The following FOLH1 variants were observed in gnomAD, a reference collection of about 807,000 sequenced individuals.
FOLH1 encodes the protein folate hydrolase 1, also known as glutamate carboxypeptidase 2.
In FOLH1, 54 loss-of-function variants were observed where a neutral mutation model predicts 93.9. The observed-to-expected ratio is 0.57, with a 90% CI of 0.46 to 0.72. The LOEUF (loss-of-function observed/expected upper bound fraction) is 0.72. Ranked by LOEUF, FOLH1 falls within the 30% of genes least tolerant of loss-of-function variation. FOLH1 has a pLI of 0.00. For synonymous variants in FOLH1, 249 were observed against 303.6 expected (o/e 0.82, Z 1.87); for missense variants, 571 against 892.5 (o/e 0.64, Z 4.59).
intron 5 of FOLH1, 43 bp from the exon 6 acceptor site, chr11:49,185,898 G>A (rs767725366): frequency 6.7e-7 from 1 of 1,500,348 alleles, no homozygotes. Flanking sequence ...TAAATTGGTT[G>A]TTCCAGATTC....
At chr11:49,188,335 T>C (rs1485352697) in intron 4 of FOLH1, among the ~76,000 whole-genome samples, 2 of 151,616 alleles carry the variant, frequency 1.3e-5, no homozygotes, top group African/African-American at 4.8e-5. Flanking sequence ...GCCAACATAG[T>C]GAAAACCCAT....
At chr11:49,199,721 G>T (rs1863064166) in intron 3 of FOLH1, among the ~76,000 whole-genome samples, 1 of 152,026 alleles carries the variant, frequency 6.6e-6, no homozygotes, top group Non-Finnish European at 1.5e-5. Context: ...GACTAGCCTG[G>T]CCAACATGAT....
At chr11:49,181,912 A>G (rs1396087062) in intron 7 of FOLH1, among the ~76,000 whole-genome samples, 1 of 152,190 alleles carries the variant, frequency 6.6e-6, no homozygotes, top group Non-Finnish European at 1.5e-5. Context: ...GTGCTTCCTC[A>G]TAGATACTGG....
chr11:49,165,860 C>G (rs1194244750), intron 12 of FOLH1, among the ~76,000 whole-genome samples: 1 of 152,164 alleles, frequency 6.6e-6, no homozygotes, highest in Non-Finnish European at 1.5e-5. Flanking sequence ...TATGTACAAA[C>G]AGCCAATGTA....
intron 7 of FOLH1, 133 bp from the exon 8 acceptor site, chr11:49,176,090 CG>C: frequency 2.5e-6 from 2 of 810,518 alleles, no homozygotes; most frequent in South Asian, 3.3e-5. Context: ...GAATATAATA[CG>C]TCATTTAAAC....
Position 49,148,734 on chromosome 11 carries a change from G to A in FOLH1, c.1971-3C>T, listed in dbSNP as rs1374488421. The A allele has an allele frequency of 1.9e-6, 3 of 1,560,052 alleles. No individual in the cohort carries two copies. The highest frequency in any genetic ancestry group is 4.6e-5 in the East Asian group (2 of 43,564). ...TCATCATTCTTAATACTATTGGGCT[G>A]AGAAAGAAAATGAATATAATTATAA... On this transcript the variant is annotated splice_polypyrimidine_tract_variant and splice_region_variant and intron_variant, in intron 17 of 18. Coordinates refer to ENST00000256999, the MANE Select transcript of FOLH1 (RefSeq NM_004476.3).
chr11:49,175,268 TG>T (rs1590560196), intron 8 of FOLH1, among the ~76,000 whole-genome samples: 4 of 151,946 alleles, frequency 2.6e-5, no homozygotes, highest in African/African-American at 9.7e-5. Flanking sequence ...GGGTGGTAAA[TG>T]GTTTTCAAGA....
intron 4 of FOLH1, among the ~76,000 whole-genome samples, chr11:49,187,643 C>T (rs1411170942): frequency 6.6e-6 from 1 of 152,060 alleles, no homozygotes; most frequent in Non-Finnish European, 1.5e-5. Context: ...CATCTTCCCC[C>T]ACAGAATTTT....
chr11:49,147,342 C>T (rs970574575), intron 18 of FOLH1, among the ~76,000 whole-genome samples: 3 of 152,042 alleles, frequency 2.0e-5, no homozygotes, highest in Admixed American at 6.6e-5. Context: ...TCAAGGCACA[C>T]GACAAGTAAC....
chr11:49,149,831 C>G (rs1276500307), intron 17 of FOLH1, among the ~76,000 whole-genome samples: 1 of 152,152 alleles, frequency 6.6e-6, no homozygotes, highest in Non-Finnish European at 1.5e-5. Flanking sequence ...GCAATGCTAA[C>G]ATTTTCAAAT....
Position 49,168,279 on chromosome 11 carries a change from T to C in FOLH1, c.1372+916A>G, listed in dbSNP as rs188919901. On this transcript the variant is annotated intron_variant, in intron 12 of 18. Coordinates refer to ENST00000256999, the MANE Select transcript of FOLH1 (RefSeq NM_004476.3). ...TAAGGATTAAACACATAAAGAGGTG[T>C]TGAAGAGCAATCTGAGTGTAGAGAA... Among the ~76,000 whole-genome samples, 31 of 151,730 alleles carry C rather than the reference T, an allele frequency of 2.0e-4. No homozygotes were observed. In the East Asian group the frequency reaches 5.8e-3, roughly 28 times the overall value.
chr11:49,173,816 A>G (rs570318996), intron 9 of FOLH1, among the ~76,000 whole-genome samples: 6 of 152,308 alleles, frequency 3.9e-5, no homozygotes, highest in African/African-American at 1.2e-4. Flanking sequence ...ATATATTCAA[A>G]GTAAGAGAAC....
intron 2 of FOLH1, among the ~76,000 whole-genome samples, chr11:49,205,280 G>T (rs1863775978): frequency 6.6e-6 from 1 of 152,084 alleles, no homozygotes; most frequent in Non-Finnish European, 1.5e-5. Context: ...TTCTATATAA[G>T]TATTTTCTTT....
In FOLH1 at chr11:49,169,222, A is replaced by G; in HGVS notation, c.1345T>C (p.Tyr449His). The G allele has an allele frequency of 5.6e-6, 9 of 1,613,366 alleles. No homozygotes were observed. Among genetic ancestry groups the G allele is most frequent in the Non-Finnish European group, 7.6e-6 (9 of 1,179,414 alleles). Reference sequence around the variant, plus strand: ...TCTATAGATGAGTCAGCATTAATATAAGCCACGCCACGCTCTTGAAGGAGT... The same window carrying G: ...TCTATAGATGAGTCAGCATTAATATGAGCCACGCCACGCTCTTGAAGGAGT... The part of the protein sequence containing the change: ...SRLLQERGVA[Y>H]INADSSIEGN... Residue 449 changes from tyrosine (Y) to histidine (H), a missense_variant, in exon 12 of 19, where the codon TAT becomes CAT. Transcript: ENST00000256999.
chr11:49,148,264 T>A (rs964352635), intron 18 of FOLH1, among the ~76,000 whole-genome samples: 3 of 151,002 alleles, frequency 2.0e-5, no homozygotes, highest in Non-Finnish European at 4.4e-5. Flanking sequence ...GTTCTGTGTA[T>A]ACATAAGTAA....
At chr11:49,175,783 T>C (rs1312603509) in intron 8 of FOLH1, 76 bp downstream of exon 8, 42 of 1,359,286 alleles carry the variant, frequency 3.1e-5, no homozygotes, top group Non-Finnish European at 4.0e-5. Context: ...AATTTTACTT[T>C]TTCTGTCATC....
intron 15 of FOLH1, 75 bp downstream of exon 15, chr11:49,156,642 C>G: frequency 6.4e-7 from 1 of 1,572,362 alleles, no homozygotes; most frequent in Non-Finnish European, 8.7e-7. Context: ...GCTTGAGTCA[C>G]TTTTTGGAGT....
At chr11:49,156,384 G>A (rs1857038090) in intron 15 of FOLH1, among the ~76,000 whole-genome samples, 1 of 151,900 alleles carries the variant, frequency 6.6e-6, no homozygotes, top group Non-Finnish European at 1.5e-5. Context: ...TAAGGAGGAG[G>A]GTGAAATCAA....
intron 13 of FOLH1, among the ~76,000 whole-genome samples, chr11:49,162,511 G>A (rs1857821905): frequency 2.0e-5 from 3 of 152,052 alleles, no homozygotes; most frequent in Admixed American, 6.6e-5. Context: ...ATGATTTTTA[G>A]CTTCCTAGAA....
Sources: allele counts gnomAD v4.1 joint callset (sites outside exome capture counted in the v4.1 genomes callset), GRCh38; gene constraint gnomAD v4.1.1; transcripts MANE v1.5; gene names NCBI Gene and HGNC (gene_info 2026-07-23, HGNC 2026-07-21).